Variants in HNRNPLL observed in about 807,000 individuals in gnomAD.
HNRNPLL encodes the protein heterogeneous nuclear ribonucleoprotein L-like.
In HNRNPLL, 25 loss-of-function variants were observed where a neutral mutation model predicts 67.1. The ratio of observed to expected loss-of-function variants is 0.37; its 90% CI spans 0.27 to 0.52. HNRNPLL has a LOEUF of 0.52. Ranked by LOEUF, HNRNPLL falls within the 20% of genes least tolerant of loss-of-function variation. The pLI is 0.90. For missense variants in HNRNPLL, 542 were observed against 673.9 expected (o/e 0.80, Z 2.17); for synonymous variants, 267 against 241.7 (o/e 1.10, Z -0.97).
chr2:38,579,368 C>A, intron 6 of HNRNPLL, among the ~76,000 whole-genome samples: 1 of 151,606 alleles, frequency 6.6e-6, no homozygotes, highest in East Asian at 1.9e-4. Flanking sequence ...ATGTAACTAA[C>A]CTGCACATTG....
chr2:38,564,446 C>A (rs1011144365), intron 12 of HNRNPLL, among the ~76,000 whole-genome samples: 3 of 151,446 alleles, frequency 2.0e-5, no homozygotes, highest in African/African-American at 7.3e-5. Context: ...GAAGTGAAAC[C>A]CCGCCTCTAC....
chr2:38,565,632 G>A (rs1364674581), intron 12 of HNRNPLL, among the ~76,000 whole-genome samples: 1 of 151,300 alleles, frequency 6.6e-6, no homozygotes, highest in East Asian at 1.9e-4. Context: ...GGAGGCTGAG[G>A]TGGGAGGATC....
At chr2:38,581,532 T>C (rs1666529067) in intron 6 of HNRNPLL, 1 of 279,036 alleles carries the variant, frequency 3.6e-6, no homozygotes, top group African/African-American at 2.2e-5. Context: ...CTATCCTTCT[T>C]AATGCCTCGT....
intron 2 of HNRNPLL, among the ~76,000 whole-genome samples, chr2:38,588,826 T>C (rs555874026): frequency 6.6e-6 from 1 of 152,090 alleles, no homozygotes; most frequent in East Asian, 1.9e-4. Flanking sequence ...GAAGATTGCT[T>C]GAGCCCAGGA....
At chr2:38,587,981 T>C (rs1651214551) in intron 2 of HNRNPLL, among the ~76,000 whole-genome samples, 1 of 152,054 alleles carries the variant, frequency 6.6e-6, no homozygotes, top group Admixed American at 6.6e-5. Context: ...CTCTCTTTTT[T>C]TTCTCTCTCT....
At chr2:38,580,836 CAT>C (rs1666499824) in intron 6 of HNRNPLL, among the ~76,000 whole-genome samples, 1 of 152,166 alleles carries the variant, frequency 6.6e-6, no homozygotes, top group South Asian at 2.1e-4. Flanking sequence ...CTTGAACAGA[CAT>C]GTTACTTTCA....
chr2:38,584,935 G>A (rs1400435147), intron 3 of HNRNPLL, among the ~76,000 whole-genome samples: 1 of 151,794 alleles, frequency 6.6e-6, no homozygotes, highest in East Asian at 1.9e-4. Flanking sequence ...ATATTAATAA[G>A]TCTATATTTA....
At chr2:38,574,105 T>A (rs969876) in intron 7 of HNRNPLL, among the ~76,000 whole-genome samples, 78,848 of 151,612 alleles carry the variant, frequency 0.52, 21,590 homozygotes, top group East Asian at 0.73. Context: ...AAAAACACAC[T>A]CAAATCTATG....
intron 3 of HNRNPLL, among the ~76,000 whole-genome samples, chr2:38,585,348 T>C (rs1054415940): frequency 2.2e-4 from 33 of 152,218 alleles, no homozygotes; most frequent in Admixed American, 1.0e-3. Context: ...GACAGAGATT[T>C]TTTGAACGAT....
intron 12 of HNRNPLL, chr2:38,565,951 G>T: frequency 1.2e-6 from 1 of 821,328 alleles, no homozygotes; most frequent in Non-Finnish European, 1.5e-6. Flanking sequence ...TGTTATTCCA[G>T]CCATAAATCA....
Position 38,568,298 on chromosome 2 carries a change from C to G in HNRNPLL, c.1475-1G>C. 5.0e-6 allele frequency: 8 copies of G among 1,612,580 alleles called. No individual in the cohort carries two copies. Among genetic ancestry groups the G allele is most frequent in the Non-Finnish European group, 6.8e-6 (8 of 1,179,160 alleles). The stretch of plus-strand genomic sequence containing the variant: ...AGCCCAGAAAGTGTTTTGGCTGAAG[C>G]TAAAACAAAAAAACACAAACTCAGT... On this transcript the variant is annotated splice_acceptor_variant, in intron 11 of 12. Coordinates refer to ENST00000449105, the MANE Select transcript of HNRNPLL (RefSeq NM_138394.4). LOFTEE classifies it high-confidence loss of function.
At chr2:38,599,475 GA>G (rs1267032487) in intron 1 of HNRNPLL, among the ~76,000 whole-genome samples, 3 of 151,920 alleles carry the variant, frequency 2.0e-5, no homozygotes, top group African/African-American at 7.3e-5. Flanking sequence ...TACTCCACAA[GA>G]AAAAAGTAAC....
In HNRNPLL at chr2:38,573,094, T is replaced by A. The variant is rs1054698754; in HGVS notation, c.1092+116A>T. On this transcript the variant is annotated intron_variant, in intron 8 of 12. Coordinates refer to ENST00000449105, the MANE Select transcript of HNRNPLL (RefSeq NM_138394.4). ...ATAATAGATTTTTAGCTTATGTGGG[T>A]CATTACTCAAAGAATTTGGATATTC... 1.0e-5 allele frequency: 7 copies of A among 689,114 alleles called. No individual in the cohort carries two copies. The Admixed American group carries it at 1.6e-4, about 15-fold the overall frequency. The allele number at this position is 689,114 out of a possible 1,614,324, so 42.7% of individuals were successfully genotyped here.
At chr2:38,588,057 T>C (rs1016573732) in intron 2 of HNRNPLL, among the ~76,000 whole-genome samples, 1 of 152,128 alleles carries the variant, frequency 6.6e-6, no homozygotes, top group African/African-American at 2.4e-5. Flanking sequence ...CTAAGTTTTC[T>C]GAGGCCACCC....
Position 38,562,080 on chromosome 2 carries a change from A to C in HNRNPLL, c.*2102T>G, listed in dbSNP as rs1665697687. On this transcript the variant is annotated 3_prime_UTR_variant, in exon 13 of 13. Coordinates refer to ENST00000449105, the MANE Select transcript of HNRNPLL (RefSeq NM_138394.4). ...CTCAAAGCTAGTATTATTTCTTTAC[A>C]GTTCTTAAATCTGCTTTTTCTAGTT... The C allele has an allele frequency of 6.6e-6, 1 of 152,174 alleles. No homozygotes were observed. Among genetic ancestry groups the C allele is most frequent in the African/African-American group, 2.4e-5 (1 of 41,456 alleles). 9.4% of individuals were successfully genotyped at this position (152,174 alleles called of 1,614,324 possible). A position where few individuals can be genotyped will look rare whatever the true frequency, so the allele number is the denominator to read the frequency against.
chr2:38,590,776 G>A (rs1285398282), intron 2 of HNRNPLL, among the ~76,000 whole-genome samples: 2 of 152,168 alleles, frequency 1.3e-5, no homozygotes, highest in African/African-American at 4.8e-5. Flanking sequence ...GGAGGCTGAG[G>A]TGGGAGGATA....
intron 1 of HNRNPLL, among the ~76,000 whole-genome samples, 171 bp from the exon 2 acceptor site, chr2:38,591,819 T>C (rs1048863529): frequency 5.3e-5 from 8 of 151,788 alleles, no homozygotes; most frequent in Admixed American, 1.3e-4. Flanking sequence ...CTACTAAAAA[T>C]AGAAAAATTA....
In HNRNPLL at chr2:38,601,115, C is replaced by CG. The variant is rs200405996; in HGVS notation, c.189+1322_189+1323insC. Among the ~76,000 whole-genome samples the CG allele has an allele frequency of 6.5e-3, 992 of 152,250 alleles. 10 individuals carry two copies. The highest frequency in any genetic ancestry group is 0.021 in the African/African-American group (876 of 41,504). On this transcript the variant is annotated intron_variant, in intron 1 of 12. Transcript: ENST00000449105. ...TGAACTGAAACTTCCTAAGAAAAAA[C>CG]CATTTCCTTTATTCACACTTCCAAG...
intron 7 of HNRNPLL, among the ~76,000 whole-genome samples, chr2:38,574,712 G>A (rs1445851631): frequency 6.6e-6 from 1 of 151,660 alleles, no homozygotes; most frequent in Non-Finnish European, 1.5e-5. Flanking sequence ...GCAATTTTAG[G>A]GAGGAATACT....
Sources: allele counts gnomAD v4.1 joint callset (sites outside exome capture counted in the v4.1 genomes callset), GRCh38; gene constraint gnomAD v4.1.1; transcripts MANE v1.5; gene names NCBI Gene and HGNC (gene_info 2026-07-23, HGNC 2026-07-21).